Variants in PTPRD observed in about 807,000 individuals in gnomAD.
The protein encoded by PTPRD is receptor-type tyrosine-protein phosphatase delta.
Under a neutral mutation model 214.5 loss-of-function variants are expected in PTPRD, and 34 were observed. The ratio of observed to expected loss-of-function variants is 0.16; its 90% confidence interval spans 0.12 to 0.21. PTPRD has a LOEUF of 0.21. Among genes scored for constraint, PTPRD ranks in the 10% least tolerant of loss-of-function variants. PTPRD has a pLI of 1.00. For missense variants in PTPRD, 2,545 were observed against 2,398.7 expected, an observed-to-expected ratio of 1.06 and a Z score of -1.27; for synonymous variants, 1,128 against 845.7, an observed-to-expected ratio of 1.33 and a Z score of -5.79.
intron 11 of PTPRD, among the ~76,000 whole-genome samples, chr9:8,962,596 G>A (rs2099164883): frequency 6.6e-6 from 1 of 151,972 alleles, no homozygotes; most frequent in Non-Finnish European, 1.5e-5. Context: ...TTTGTATCAA[G>A]GGTGTCCATG....
intron 7 of PTPRD, among the ~76,000 whole-genome samples, chr9:9,608,646 T>G (rs1400307561): frequency 2.0e-5 from 3 of 152,212 alleles, no homozygotes; most frequent in Non-Finnish European, 4.4e-5. Flanking sequence ...TGCTTCATTC[T>G]GGCATAGAAT....
chr9:9,836,949 C>T (rs2056933179), intron 5 of PTPRD, among the ~76,000 whole-genome samples: 1 of 152,098 alleles, frequency 6.6e-6, no homozygotes, highest in Non-Finnish European at 1.5e-5. Flanking sequence ...GTGTGGGGCA[C>T]ACCAGTTGGT....
intron 4 of PTPRD, among the ~76,000 whole-genome samples, chr9:9,964,377 T>C (rs1244349654): frequency 1.3e-5 from 2 of 152,224 alleles, no homozygotes; most frequent in Admixed American, 1.3e-4. Flanking sequence ...ATGTTGCTCA[T>C]AATTTCTTAG....
chr9:8,557,577 T>C (rs1187703341), intron 14 of PTPRD, among the ~76,000 whole-genome samples: 1 of 149,378 alleles, frequency 6.7e-6, no homozygotes, highest in Non-Finnish European at 1.5e-5. Context: ...ACCATGTCTC[T>C]ATTAAAAATA....
At chr9:9,664,193 A>T (rs1034616002) in intron 7 of PTPRD, among the ~76,000 whole-genome samples, 4 of 151,380 alleles carry the variant, frequency 2.6e-5, no homozygotes, top group African/African-American at 7.2e-5. Context: ...TAAAATTAAA[A>T]AAATAAATAA....
chr9:8,942,830 A>C (rs1367188735), intron 11 of PTPRD, among the ~76,000 whole-genome samples: 1 of 152,094 alleles, frequency 6.6e-6, no homozygotes, highest in African/African-American at 2.4e-5. Flanking sequence ...TTCTTTGCAG[A>C]AGAAGCCAAA....
At chr9:9,593,225 C>A (rs645191) in intron 7 of PTPRD, among the ~76,000 whole-genome samples, 55,735 of 149,654 alleles carry the variant, frequency 0.37, 10,815 homozygotes, top group Non-Finnish European at 0.4. Flanking sequence ...TTTTCCCCCC[C>A]CTCAAAGAAA....
chr9:9,498,913 C>A (rs765765521), intron 8 of PTPRD, among the ~76,000 whole-genome samples: 9 of 151,888 alleles, frequency 5.9e-5, no homozygotes, highest in Non-Finnish European at 8.8e-5. Flanking sequence ...AAATACTTTT[C>A]TTTAAAGAGT....
At chr9:9,036,450 G>A (rs916041927) in intron 10 of PTPRD, among the ~76,000 whole-genome samples, 7 of 152,058 alleles carry the variant, frequency 4.6e-5, no homozygotes, top group Non-Finnish European at 4.4e-5. Context: ...TAAATATAAT[G>A]TAAATCCTAG....
chr9:8,800,970 A>G (rs1413075736), intron 11 of PTPRD, among the ~76,000 whole-genome samples: 3 of 152,232 alleles, frequency 2.0e-5, no homozygotes, highest in Non-Finnish European at 4.4e-5. Context: ...TTGAACATCA[A>G]TGCTATGGGG....
chr9:8,342,531 G>A (rs1026959320), intron 39 of PTPRD, among the ~76,000 whole-genome samples: 2 of 152,016 alleles, frequency 1.3e-5, no homozygotes, highest in African/African-American at 4.8e-5. Flanking sequence ...TTCTCTTCCT[G>A]ATCATGCGGG....
At chr9:9,594,597 T>C (rs997630138) in intron 7 of PTPRD, among the ~76,000 whole-genome samples, 11 of 152,142 alleles carry the variant, frequency 7.2e-5, no homozygotes, top group Admixed American at 6.6e-5. Flanking sequence ...TTTGGGTTTA[T>C]TTCTGGGTTC....
At chr9:9,025,172 C>T (rs750579711) in intron 10 of PTPRD, among the ~76,000 whole-genome samples, 5 of 151,988 alleles carry the variant, frequency 3.3e-5, no homozygotes, top group Non-Finnish European at 5.9e-5. Flanking sequence ...TATTTTATGA[C>T]TTTATTTTTC....
chr9:9,027,843 T>C (rs2099592301), intron 10 of PTPRD, among the ~76,000 whole-genome samples: 1 of 152,002 alleles, frequency 6.6e-6, no homozygotes, highest in South Asian at 2.1e-4. Context: ...TATTGAATCA[T>C]GCCCTTCAAA....
At chr9:10,072,534 G>A (rs778956356) in intron 3 of PTPRD, among the ~76,000 whole-genome samples, 3 of 152,078 alleles carry the variant, frequency 2.0e-5, no homozygotes, top group Non-Finnish European at 4.4e-5. Context: ...GGACATGAGC[G>A]GGTTGCCACT....
At chr9:8,587,981 C>T (rs2093801945) in intron 14 of PTPRD, among the ~76,000 whole-genome samples, 1 of 152,180 alleles carries the variant, frequency 6.6e-6, no homozygotes, top group South Asian at 2.1e-4. Flanking sequence ...AAGCCAAGAG[C>T]CTTCAACAAT....
At chr9:10,325,356 C>T (rs2096624578) in intron 3 of PTPRD, among the ~76,000 whole-genome samples, 1 of 151,898 alleles carries the variant, frequency 6.6e-6, no homozygotes, top group Non-Finnish European at 1.5e-5. Context: ...ACTTAAATCC[C>T]CATTCTGGCC....
chr9:10,283,603 C>G (rs2095234020), intron 3 of PTPRD, among the ~76,000 whole-genome samples: 1 of 152,116 alleles, frequency 6.6e-6, no homozygotes, highest in Admixed American at 6.6e-5. Flanking sequence ...CAGACTCATT[C>G]AAGTCCAGTA....
intron 35 of PTPRD, among the ~76,000 whole-genome samples, chr9:8,412,982 A>G (rs988245836): frequency 3.3e-5 from 5 of 152,226 alleles, no homozygotes; most frequent in African/African-American, 1.2e-4. Flanking sequence ...TTGGTTTCAC[A>G]ATTGTTGTGC....
Sources: gnomAD v4.1 joint callset for allele counts (sites outside exome capture counted in the v4.1 genomes callset) on GRCh38, gnomAD v4.1.1 for gene constraint, MANE v1.5 for transcripts, NCBI Gene and HGNC (gene_info 2026-07-23, HGNC 2026-07-21) for gene names.